The following FBN1 variants were observed in gnomAD, a reference collection of about 807,000 sequenced individuals.
FBN1 encodes fibrillin-1.
Under a neutral mutation model 365.1 loss-of-function variants are expected in FBN1, and 29 were observed. The ratio of observed to expected loss-of-function variants is 0.08; its 90% CI spans 0.06 to 0.11. The LOEUF is 0.11. FBN1 is among the 10% of genes least tolerant of loss of function. The probability of loss-of-function intolerance (pLI) is 1.00; values close to 1 mark genes in which losing one functional copy is unlikely to be tolerated. For missense variants in FBN1, 2,476 were observed against 3,703.2 expected, an observed-to-expected ratio of 0.67 and a Z score of 8.60; for synonymous variants, 1,210 against 1,270.5, an observed-to-expected ratio of 0.95 and a Z score of 1.01.
intron 2 of FBN1, among the ~76,000 whole-genome samples, chr15:48,615,920 T>G (rs1889642607): frequency 6.6e-6 from 1 of 152,204 alleles, no homozygotes; most frequent in South Asian, 2.1e-4. Context: ...CTAGTTACCT[T>G]AAGAGATGAG....
At chr15:48,472,035 A>G (rs145555148) in intron 35 of FBN1, among the ~76,000 whole-genome samples, 11 of 152,366 alleles carry the variant, frequency 7.2e-5, no homozygotes, top group African/African-American at 2.6e-4. Flanking sequence ...CATATATGTT[A>G]GATATTTAGA....
Position 48,526,334 on chromosome 15 carries a change from A to C in FBN1, c.863-79T>G, listed in dbSNP as rs2043914729. 8 of 1,459,460 alleles carry C rather than the reference A, an allele frequency of 5.5e-6. No homozygotes were observed. The East Asian group carries it at 1.8e-4, about 33-fold the overall frequency. 90.4% of individuals were successfully genotyped at this position (1,459,460 alleles called of 1,614,324 possible). Reference sequence around the variant, plus strand: ...TCGTCAGTAGAAGGACTCAGATGTTAACACTAGTCAAATCATGTCCCTGGA... The same window carrying C: ...TCGTCAGTAGAAGGACTCAGATGTTCACACTAGTCAAATCATGTCCCTGGA... On this transcript the variant is annotated intron_variant, in intron 8 of 65. Coordinates refer to ENST00000316623, the MANE Select transcript of FBN1 (RefSeq NM_000138.5).
At position 48,600,149 on chromosome 15, in the gene FBN1, G is replaced by T; in HGVS notation, c.432C>A (p.His144Gln). Reference protein sequence around the residue: ...CLCQKGYIGTHCGQPVCESGC... With the variant: ...CLCQKGYIGTQCGQPVCESGC... ...CTACAGTGTACTTACGTTGTCCACAGTGAGTCCCTATGTATCCTTTCTGGC... is the reference window on the plus strand; with the variant it reads ...CTACAGTGTACTTACGTTGTCCACATTGAGTCCCTATGTATCCTTTCTGGC... The change falls in exon 5 of 66, where the codon CAC (histidine) becomes CAA (glutamine). Residue 144 changes from histidine to glutamine, a missense_variant. His to Gln is a conservative substitution (Grantham distance 24). This residue lies in a region of FBN1 where 421 missense variants were observed against 520.1 expected (regional missense o/e 0.81). Coordinates refer to ENST00000316623, the MANE Select transcript of FBN1 (RefSeq NM_000138.5). 1 of 1,611,086 alleles carries T rather than the reference G, an allele frequency of 6.2e-7. No individual in the cohort carries two copies. Among genetic ancestry groups the T allele is most frequent in the Non-Finnish European group, 8.5e-7 (1 of 1,177,280 alleles).
intron 8 of FBN1, among the ~76,000 whole-genome samples, chr15:48,530,733 C>T (rs1471431984): frequency 6.6e-6 from 1 of 152,088 alleles, no homozygotes. Context: ...CAGTAAGTAG[C>T]CATGAGATAA....
chr15:48,485,789 G>C (rs2043502122), intron 29 of FBN1, among the ~76,000 whole-genome samples: 1 of 152,146 alleles, frequency 6.6e-6, no homozygotes, highest in Non-Finnish European at 1.5e-5. Flanking sequence ...CCACCCTCCA[G>C]AACTGTGAAC....
intron 31 of FBN1, among the ~76,000 whole-genome samples, chr15:48,482,611 G>A (rs2043473823): frequency 6.6e-6 from 1 of 152,168 alleles, no homozygotes; most frequent in Non-Finnish European, 1.5e-5. Flanking sequence ...TGGGCATCCT[G>A]GAAGGCTGAG....
chr15:48,477,379 G>T (rs1380575933), intron 32 of FBN1, among the ~76,000 whole-genome samples: 1 of 152,150 alleles, frequency 6.6e-6, no homozygotes, highest in African/African-American at 2.4e-5. Flanking sequence ...TAACTCAGGA[G>T]CCAATATTCA....
At chr15:48,487,575 T>TA in intron 27 of FBN1, 138 bp from the exon 28 acceptor site, 4 of 1,199,364 alleles carry the variant, frequency 3.3e-6, no homozygotes, top group Non-Finnish European at 3.7e-6. Flanking sequence ...GTGCTATTCA[T>TA]ACACCAGATC....
intron 6 of FBN1, among the ~76,000 whole-genome samples, chr15:48,538,855 C>T (rs1377578758): frequency 6.6e-6 from 1 of 152,176 alleles, no homozygotes; most frequent in Non-Finnish European, 1.5e-5. Context: ...TAAAAATGGA[C>T]TCAATGACCC....
chr15:48,489,726 A>T, intron 25 of FBN1, 125 bp downstream of exon 25: 3 of 789,060 alleles, frequency 3.8e-6, no homozygotes, highest in Admixed American at 4.4e-5. Context: ...AAACAAAGAT[A>T]ATTATATAAT....
chr15:48,421,799 G>T lies in FBN1; in HGVS notation c.7571-113C>A, dbSNP rs1820488. On this transcript the variant is annotated intron_variant, in intron 61 of 65. Coordinates refer to ENST00000316623, the MANE Select transcript of FBN1 (RefSeq NM_000138.5). ...GAAAAGGCCAAATAAGGCCAACAAC[G>T]CTTCACATACATGTACAGGTGTGCT... The T allele has an allele frequency of 0.88, 1,129,864 of 1,278,614 alleles. 500,303 individuals are homozygous for T. The highest frequency in any genetic ancestry group is 0.94 in the East Asian group (38,885 of 41,226). The allele number at this position is 1,278,614 out of a possible 1,614,324, so 79.2% of individuals were successfully genotyped here. A position where few individuals can be genotyped will look rare whatever the true frequency, so the allele number is the denominator to read the frequency against.
chr15:48,436,161 C>T (rs1343458485), intron 53 of FBN1, among the ~76,000 whole-genome samples: 1 of 152,040 alleles, frequency 6.6e-6, no homozygotes, highest in Non-Finnish European at 1.5e-5. Flanking sequence ...ATTTCTGTTT[C>T]AAGTTAATAA....
chr15:48,457,171 G>C (rs575144722), intron 43 of FBN1, among the ~76,000 whole-genome samples: 1 of 152,176 alleles, frequency 6.6e-6, no homozygotes, highest in South Asian at 2.1e-4. Context: ...AGGAGCACAT[G>C]GTCATATGGA....
At chr15:48,476,220 A>G (rs2043417202) in intron 32 of FBN1, among the ~76,000 whole-genome samples, 1 of 152,248 alleles carries the variant, frequency 6.6e-6, no homozygotes, top group Non-Finnish European at 1.5e-5. Context: ...ACTCCCAAGC[A>G]GGGCTGTCGA....
intron 13 of FBN1, among the ~76,000 whole-genome samples, chr15:48,511,142 C>T (rs1733665512): frequency 6.6e-6 from 1 of 152,140 alleles, no homozygotes; most frequent in Admixed American, 6.6e-5. Flanking sequence ...GAACAATGAG[C>T]ACGTGCGTTC....
At chr15:48,502,341 T>C (rs1307914619) in intron 17 of FBN1, among the ~76,000 whole-genome samples, 2 of 152,198 alleles carry the variant, frequency 1.3e-5, no homozygotes, top group Non-Finnish European at 2.9e-5. Context: ...GCACCATGCC[T>C]GGCCCCCCAT....
intron 44 of FBN1, 82 bp from the exon 45 acceptor site, chr15:48,452,766 T>C: frequency 6.8e-7 from 1 of 1,461,784 alleles, no homozygotes; most frequent in South Asian, 1.2e-5. Context: ...AAAACAAATT[T>C]ATATTTTATT....
intron 2 of FBN1, among the ~76,000 whole-genome samples, chr15:48,633,010 C>T (rs1305321947): frequency 6.6e-6 from 1 of 152,162 alleles, no homozygotes; most frequent in African/African-American, 2.4e-5. Context: ...CACATCAAGT[C>T]CTTCACTGAA....
intron 46 of FBN1, 126 bp from the exon 47 acceptor site, chr15:48,446,948 T>C: frequency 1.7e-5 from 12 of 688,530 alleles, no homozygotes; most frequent in South Asian, 1.4e-4. Context: ...CTTCTTGATG[T>C]TGGTATCAGC....
Sources: allele counts gnomAD v4.1 joint callset (sites outside exome capture counted in the v4.1 genomes callset), GRCh38; gene constraint gnomAD v4.1.1; regional missense constraint gnomAD v4.1.1; transcripts MANE v1.5; gene names NCBI Gene and HGNC (gene_info 2026-07-23, HGNC 2026-07-21).